LRRC37A3: variants seen among roughly 807,000 people sequenced by gnomAD.
LRRC37A3 encodes the protein leucine-rich repeat-containing protein 37A3.
Under a neutral mutation model 106.2 loss-of-function variants are expected in LRRC37A3, and 25 were observed. The ratio of observed to expected loss-of-function variants is 0.24; its 90% CI spans 0.17 to 0.33. The LOEUF (loss-of-function observed/expected upper bound fraction) is 0.33. Among genes scored for constraint, LRRC37A3 ranks in the 10% least tolerant of loss-of-function variants. The pLI is 1.00. For missense variants in LRRC37A3, 712 were observed against 1,644.9 expected (o/e 0.43, Z 9.81); for synonymous variants, 305 against 635.8 (o/e 0.48, Z 7.83).
At position 64,859,506 on chromosome 17, in the gene LRRC37A3, T is replaced by C. The variant is rs1252118514; in HGVS notation, c.4640A>G (p.Lys1547Arg). ...GCTCTCATTAATGTAGTTCTCAGTCTTCCATTGGTCCGTATCCCATTCTAT... is the reference window on the plus strand; with the variant it reads ...GCTCTCATTAATGTAGTTCTCAGTCCTCCATTGGTCCGTATCCCATTCTAT... Reference protein sequence around the residue: ...SKIEWDTDQWKTENYINESTE... With the variant: ...SKIEWDTDQWRTENYINESTE... The change falls in exon 12 of 15, where the codon AAG (lysine) becomes AGG (arginine). Residue 1547 changes from lysine to arginine, a missense_variant. By Grantham distance (26) the Lys-to-Arg change is conservative. Transcript: ENST00000584306. 3 of 1,611,784 alleles carry C rather than the reference T, an allele frequency of 1.9e-6. No individual in the cohort carries two copies. The African/African-American group carries it at 4.0e-5, about 22-fold the overall frequency.
At chr17:64,884,463 T>G (rs1598418189) in intron 8 of LRRC37A3, among the ~76,000 whole-genome samples, 1 of 151,334 alleles carries the variant, frequency 6.6e-6, no homozygotes, top group Non-Finnish European at 1.5e-5. Context: ...TCTCCTGGTT[T>G]CAAGTGATTC....
Position 64,860,550 on chromosome 17 carries a change from T to G in LRRC37A3, c.3596A>C (p.Asn1199Thr). Reference protein sequence around the residue: ...REQGAQASVENTAEEKRLGSP... With the variant: ...REQGAQASVETTAEEKRLGSP... ...TCCGAGCCTTTTTTCTTCGGCAGTG[T>G]TCTCCACAGATGCCTGGGCACCCTG... The change falls in exon 12 of 15, where the codon AAC becomes ACC. Residue 1199 changes from asparagine to threonine, a missense_variant. Transcript: ENST00000584306. 5 of 1,613,116 alleles carry G rather than the reference T, an allele frequency of 3.1e-6. No individual in the cohort carries two copies. Among genetic ancestry groups the G allele is most frequent in the Non-Finnish European group, 4.2e-6 (5 of 1,179,874 alleles).
At chr17:64,861,976 T>C (rs1018271344) in intron 11 of LRRC37A3, among the ~76,000 whole-genome samples, 13 of 152,062 alleles carry the variant, frequency 8.5e-5, no homozygotes, top group African/African-American at 2.4e-4. Flanking sequence ...GAACCCAGAA[T>C]TGGGGCCAGA....
At chr17:64,884,344 G>GATT (rs1233040809) in intron 8 of LRRC37A3, among the ~76,000 whole-genome samples, 6 of 151,508 alleles carry the variant, frequency 4.0e-5, no homozygotes, top group African/African-American at 1.2e-4. Context: ...TGATGACGAT[G>GATT]ATGATTATTA....
At chr17:64,912,702 G>A (rs1446099513) in intron 2 of LRRC37A3, among the ~76,000 whole-genome samples, 105 of 149,678 alleles carry the variant, frequency 7.0e-4, no homozygotes, top group South Asian at 2.1e-3. Context: ...ATTAAAAGAC[G>A]CTGTCAGATT....
At chr17:64,916,687 G>C (rs1359234450) in intron 2 of LRRC37A3, among the ~76,000 whole-genome samples, 5 of 150,588 alleles carry the variant, frequency 3.3e-5, no homozygotes, top group African/African-American at 1.2e-4. Context: ...GGGAGGCCAA[G>C]AGGTGGGAGG....
At chr17:64,855,024 A>T (rs973584707) in intron 14 of LRRC37A3, among the ~76,000 whole-genome samples, 10 of 152,088 alleles carry the variant, frequency 6.6e-5, no homozygotes, top group Admixed American at 4.6e-4. Flanking sequence ...TTTAGTAGAG[A>T]TGGGCTTTCA....
Position 64,859,800 on chromosome 17 carries a change from T to A in LRRC37A3, c.4346A>T (p.Asn1449Ile). The change falls in exon 12 of 15, where the codon AAC becomes ATC. Residue 1449 changes from asparagine (N) to isoleucine (I), a missense_variant. Transcript: ENST00000584306. ...CTCGGGGGACAGGTCAGTGCCCACG[T>A]TGTTGTATTCCCATTTTGTCTCAGT... ...KQTETKWEYN[N>I]VGTDLSPEPK... is the part of the protein sequence containing the mutation. The A allele has an allele frequency of 6.2e-7, 1 of 1,612,124 alleles. No homozygotes were observed.
At chr17:64,912,915 TG>T (rs1974621580) in intron 2 of LRRC37A3, among the ~76,000 whole-genome samples, 2 of 146,262 alleles carry the variant, frequency 1.4e-5, no homozygotes, top group Non-Finnish European at 3.0e-5. Flanking sequence ...ATGAATATCA[TG>T]ATATCTAGAT....
intron 2 of LRRC37A3, among the ~76,000 whole-genome samples, chr17:64,917,075 C>T (rs1375588375): frequency 1.3e-5 from 2 of 151,572 alleles, no homozygotes; most frequent in Admixed American, 6.6e-5. Flanking sequence ...GAAACCCCGT[C>T]TCTACTAAAT....
intron 1 of LRRC37A3, 84 bp downstream of exon 1, chr17:64,919,347 A>G: frequency 2.7e-6 from 1 of 374,386 alleles, no homozygotes; most frequent in Non-Finnish European, 4.6e-6. Context: ...CCGGGTGGGG[A>G]GGCCAGAGGG....
chr17:64,854,548 G>A lies in LRRC37A3; in HGVS notation c.*51C>T, dbSNP rs772793559. The A allele has an allele frequency of 1.2e-6, 2 of 1,613,476 alleles. No individual in the cohort carries two copies. Among genetic ancestry groups the A allele is most frequent in the East Asian group, 2.2e-5 (1 of 44,870 alleles). ...CAGTCCTGCTTTTTTGATGGCCGTT[G>A]TTTACGCTATGTATTTTTGCAGGAG... On this transcript the variant is annotated 3_prime_UTR_variant, in exon 15 of 15. Coordinates refer to ENST00000584306, the MANE Select transcript of LRRC37A3 (RefSeq NM_199340.5).
Position 64,897,532 on chromosome 17 carries a change from G to A in LRRC37A3, c.-275C>T. ...TAGGGTGGGATGGGGGCGCGGCAGA[G>A]CTTCCCAAGGAAGTCACCGGACCTC... On this transcript the variant is annotated 5_prime_UTR_variant, in exon 4 of 15. Transcript: ENST00000584306. The A allele has an allele frequency of 7.8e-7, 1 of 1,285,794 alleles. No homozygotes were observed. Among genetic ancestry groups the A allele is most frequent in the Non-Finnish European group, 1.0e-6 (1 of 993,936 alleles). The allele number at this position is 1,285,794 out of a possible 1,614,324, so 79.6% of individuals were successfully genotyped here. A position where few individuals can be genotyped will look rare whatever the true frequency, so the allele number is the denominator to read the frequency against.
At chr17:64,903,060 GAAA>G (rs1451937246) in intron 2 of LRRC37A3, among the ~76,000 whole-genome samples, 1 of 144,506 alleles carries the variant, frequency 6.9e-6, no homozygotes, top group African/African-American at 2.6e-5. Flanking sequence ...ATCACTCACT[GAAA>G]AAAAGCTTTG....
Position 64,899,894 on chromosome 17 carries a change from G to C in LRRC37A3, c.-495-1435C>G, listed in dbSNP as rs1337817769. 3 of 150,784 alleles carry C rather than the reference G, an allele frequency of 2.0e-5. 1 individual carries two copies. Among genetic ancestry groups the C allele is most frequent in the African/African-American group, 7.5e-5 (3 of 39,950 alleles). 9.3% of individuals were successfully genotyped at this position (150,784 alleles called of 1,614,324 possible). On this transcript the variant is annotated intron_variant, in intron 2 of 14. Coordinates refer to ENST00000584306, the MANE Select transcript of LRRC37A3 (RefSeq NM_199340.5). ...GGGTCAAGACTTTAGGAAAAGCCCC[G>C]GAAATACCCTGCACTCAAAAAGCAG...
chr17:64,898,578 G>C (rs1598428980), intron 2 of LRRC37A3, 119 bp from the exon 3 acceptor site: 1 of 980,278 alleles, frequency 1.0e-6, no homozygotes, highest in East Asian at 1.1e-4. Context: ...TCTGAAATGA[G>C]TGCTGACTTC....
rs202232311 is a variant in LRRC37A3 at position 64,859,149 on chromosome 17, A to G, written c.4705-266T>C. ...TTATTTTTTGTGGAGACAGGCTTTC[A>G]CTATGTTGGCCAAGCTGGTCTCAAA... is the stretch of plus-strand genomic sequence containing the variant. On this transcript the variant is annotated intron_variant, in intron 12 of 14. Coordinates refer to ENST00000584306, the MANE Select transcript of LRRC37A3 (RefSeq NM_199340.5). Among the ~76,000 whole-genome samples the G allele has an allele frequency of 3.3e-4, 50 of 152,100 alleles. No individual in the cohort carries two copies. The East Asian group carries it at 9.1e-3, about 28-fold the overall frequency.
intron 13 of LRRC37A3, among the ~76,000 whole-genome samples, chr17:64,856,570 T>C (rs904292404): frequency 2.6e-5 from 4 of 151,740 alleles, no homozygotes; most frequent in African/African-American, 9.7e-5. Flanking sequence ...TGTATTTTTA[T>C]TGTTTTTTTT....
chr17:64,880,487 T>G (rs1312491993), intron 8 of LRRC37A3, among the ~76,000 whole-genome samples: 3 of 152,152 alleles, frequency 2.0e-5, no homozygotes, highest in African/African-American at 7.2e-5. Flanking sequence ...ATCATTTCCA[T>G]TTCTGGTTCA....
Sources: allele counts gnomAD v4.1 joint callset (sites outside exome capture counted in the v4.1 genomes callset), GRCh38; gene constraint gnomAD v4.1.1; transcripts MANE v1.5; gene names NCBI Gene and HGNC (gene_info 2026-07-23, HGNC 2026-07-21).